Variants in ATAD1 observed in about 807,000 individuals in gnomAD.
ATAD1 encodes ATPase family AAA domain containing 1.
ATAD1 carries 18 observed loss-of-function variants against 42.7 expected under a neutral mutation model. That is an observed-to-expected ratio of 0.42 (90% CI 0.29 to 0.63). The LOEUF (loss-of-function observed/expected upper bound fraction) is 0.63. Among genes scored for constraint, ATAD1 ranks in the 20% least tolerant of loss-of-function variants. ATAD1 has a pLI of 0.19. For missense variants in ATAD1, 294 were observed against 440.4 expected, an observed-to-expected ratio of 0.67 and a Z score of 2.98; for synonymous variants, 132 against 143.1, an observed-to-expected ratio of 0.92 and a Z score of 0.55.
chr10:87,794,912 C>CGAA (rs1856309294), intron 2 of ATAD1, among the ~76,000 whole-genome samples: 8 of 152,140 alleles, frequency 5.3e-5, no homozygotes, highest in Non-Finnish European at 1.2e-4. Flanking sequence ...ACAGCAGTCC[C>CGAA]ACTTTAACAA....
Position 87,755,986 on chromosome 10 carries a change from C to T in ATAD1, c.965+803G>A, listed in dbSNP as rs539435982. Among the ~76,000 whole-genome samples, 22 of 152,314 alleles carry T rather than the reference C, an allele frequency of 1.4e-4. No individual in the cohort carries two copies. The South Asian group carries it at 4.3e-3, about 30-fold the overall frequency. On this transcript the variant is annotated intron_variant, in intron 9 of 9. Transcript: ENST00000680024. The stretch of plus-strand genomic sequence containing the variant: ...CCAGAGCCACTGCATATACAGCTAC[C>T]AGTTGACAGAGTAGCTTTCATGCAG...
chr10:87,759,728 C>G (rs1854393999), intron 8 of ATAD1: 2 of 455,244 alleles, frequency 4.4e-6, no homozygotes, highest in Non-Finnish European at 8.8e-6. Flanking sequence ...GGCTCCATCA[C>G]TTCTTTGTGT....
At chr10:87,789,028 T>A (rs1307909563) in intron 4 of ATAD1, among the ~76,000 whole-genome samples, 1 of 152,172 alleles carries the variant, frequency 6.6e-6, no homozygotes, top group Non-Finnish European at 1.5e-5. Flanking sequence ...TTAACTGTCA[T>A]CCTCCACTTA....
intron 1 of ATAD1, among the ~76,000 whole-genome samples, chr10:87,835,326 T>C (rs915339896): frequency 6.6e-6 from 1 of 152,134 alleles, no homozygotes; most frequent in Non-Finnish European, 1.5e-5. Context: ...GAGAGGAGTA[T>C]TGATGTTTCC....
intron 6 of ATAD1, among the ~76,000 whole-genome samples, chr10:87,773,574 G>T (rs938902926): frequency 2.0e-5 from 3 of 152,046 alleles, no homozygotes; most frequent in African/African-American, 7.2e-5. Flanking sequence ...AAAAGTGACC[G>T]CAGTTTAATA....
chr10:87,772,196 C>CTTTA (rs1406196024), intron 6 of ATAD1, among the ~76,000 whole-genome samples: 1 of 151,812 alleles, frequency 6.6e-6, no homozygotes, highest in Admixed American at 6.6e-5. Flanking sequence ...ATTTATTTTT[C>CTTTA]TTTATTTTCT....
At chr10:87,806,123 C>A (rs527980206) in intron 2 of ATAD1, among the ~76,000 whole-genome samples, 3 of 152,196 alleles carry the variant, frequency 2.0e-5, no homozygotes, top group African/African-American at 7.2e-5. Context: ...CTGATTATTT[C>A]TTTGCAGAAC....
At chr10:87,761,483 G>A (rs541400679) in intron 8 of ATAD1, among the ~76,000 whole-genome samples, 2 of 152,088 alleles carry the variant, frequency 1.3e-5, no homozygotes, top group East Asian at 1.9e-4. Context: ...GCAACATGGC[G>A]AAACCCCATT....
intron 1 of ATAD1, among the ~76,000 whole-genome samples, chr10:87,838,561 G>T (rs1426802174): frequency 6.6e-6 from 1 of 151,690 alleles, no homozygotes; most frequent in East Asian, 1.9e-4. Flanking sequence ...GGCTGTTATG[G>T]ATTGAATGTT....
chr10:87,832,788 T>C (rs1047841548), intron 1 of ATAD1: 7 of 152,178 alleles, frequency 4.6e-5, no homozygotes, highest in African/African-American at 1.7e-4. Context: ...TATAGTGTCA[T>C]GGGTTGAGTC....
chr10:87,828,289 A>G (rs766666081), intron 1 of ATAD1, among the ~76,000 whole-genome samples: 24 of 152,182 alleles, frequency 1.6e-4, no homozygotes, highest in Admixed American at 3.3e-4. Context: ...GGAAATTCAA[A>G]GTGTTACTCC....
chr10:87,818,237 A>G (rs1857526836), upstream of ATAD1: 2 of 985,516 alleles, frequency 2.0e-6, no homozygotes, highest in Non-Finnish European at 2.4e-6. Flanking sequence ...AACCTGGGAG[A>G]GAACGCTTCC....
intron 5 of ATAD1, among the ~76,000 whole-genome samples, chr10:87,777,207 C>G (rs1330122749): frequency 6.6e-6 from 1 of 152,166 alleles, no homozygotes; most frequent in African/African-American, 2.4e-5. Context: ...CTCTAACTTT[C>G]TAGGTCACCT....
intron 2 of ATAD1, among the ~76,000 whole-genome samples, chr10:87,795,790 G>A (rs993405030): frequency 2.0e-5 from 3 of 152,098 alleles, no homozygotes; most frequent in African/African-American, 7.2e-5. Context: ...AAATACTTAT[G>A]AGCTAACACT....
chr10:87,764,481 A>T (rs1302295953), intron 8 of ATAD1, among the ~76,000 whole-genome samples: 2 of 152,180 alleles, frequency 1.3e-5, no homozygotes, highest in African/African-American at 4.8e-5. Flanking sequence ...ACAAACAAAC[A>T]AAAAGGTGTT....
chr10:87,788,652 C>G (rs1855948373), intron 4 of ATAD1, among the ~76,000 whole-genome samples: 1 of 152,118 alleles, frequency 6.6e-6, no homozygotes, highest in African/African-American at 2.4e-5. Context: ...CACCCAATTA[C>G]CTGGTCTAAG....
intron 5 of ATAD1, among the ~76,000 whole-genome samples, chr10:87,783,208 T>C (rs1313451512): frequency 1.3e-5 from 2 of 151,742 alleles, no homozygotes; most frequent in East Asian, 1.9e-4. Flanking sequence ...GGAGAAACCC[T>C]GACTCTACAA....
At chr10:87,805,706 C>T (rs184896235) in intron 2 of ATAD1, among the ~76,000 whole-genome samples, 2 of 152,060 alleles carry the variant, frequency 1.3e-5, no homozygotes, top group African/African-American at 4.8e-5. Flanking sequence ...TGGGACCTTC[C>T]TCCATCTATT....
chr10:87,826,816 C>T (rs1857738426), intron 1 of ATAD1, among the ~76,000 whole-genome samples: 2 of 152,162 alleles, frequency 1.3e-5, no homozygotes, highest in African/African-American at 4.8e-5. Flanking sequence ...CCATGAAATA[C>T]AGTGATCATA....
Sources: allele counts gnomAD v4.1 joint callset (sites outside exome capture counted in the v4.1 genomes callset), GRCh38; gene constraint gnomAD v4.1.1; transcripts MANE v1.5; gene names NCBI Gene and HGNC (gene_info 2026-07-23, HGNC 2026-07-21).